The following RGPD4 variants were observed in gnomAD, a reference collection of about 807,000 sequenced individuals.
RGPD4 encodes RANBP2 like and GRIP domain containing 4.
In RGPD4, 84 loss-of-function variants were observed where a neutral mutation model predicts 141.1. That is an observed-to-expected ratio of 0.60 (90% CI 0.50 to 0.71). RGPD4 has a LOEUF of 0.71. RGPD4 is among the 30% of genes least tolerant of loss of function. The pLI is 0.00. For synonymous variants in RGPD4, 298 were observed against 566.8 expected, an observed-to-expected ratio of 0.53 and a Z score of 6.74; for missense variants, 918 against 1,622.4, an observed-to-expected ratio of 0.57 and a Z score of 7.46.
rs1487334767 is a variant in RGPD4, at chr2:107,871,244, G to A, written c.3240G>A (p.Arg1080=). ...CTGAGGTAAGGCAGTGGAAAGAAAG[G>A]GGCTTGGGGAACTTAAAAATTCTCA... ...FDAEVRQWKE[R]GLGNLKILKN... is the part of the protein sequence containing the mutation. Residue 1080 remains arginine (R), a synonymous_variant, in exon 20 of 23, where the codon AGG becomes AGA. Transcript: ENST00000408999. 1.9e-6 allele frequency: 3 copies of A among 1,608,890 alleles called. No homozygotes were observed. The highest frequency in any genetic ancestry group is 1.7e-6 in the Non-Finnish European group (2 of 1,179,570).
chr2:107,844,593 G>T (rs1366156758), intron 6 of RGPD4, among the ~76,000 whole-genome samples: 1 of 147,428 alleles, frequency 6.8e-6, no homozygotes, highest in Admixed American at 6.8e-5. Flanking sequence ...TTCACTGAGT[G>T]CAGGGAGTAG....
At position 107,872,012 on chromosome 2, in the gene RGPD4, A is replaced by T; in HGVS notation, c.4008A>T (p.Glu1336Asp). The change falls in exon 20 of 23, where the codon GAA becomes GAT. Residue 1336 changes from glutamate to aspartate, a missense_variant. Transcript: ENST00000408999. The part of the protein sequence containing the change: ...QEEERDGQYF[E>D]PVVPLPDLVE... ...AAGAGAGAGATGGACAGTACTTTGA[A>T]CCTGTTGTTCCTTTACCTGATCTAG... 7 of 1,611,344 alleles carry T rather than the reference A, an allele frequency of 4.3e-6. No homozygotes were observed. Among genetic ancestry groups the T allele is most frequent in the Non-Finnish European group, 5.9e-6 (7 of 1,179,814 alleles).
rs1682036534 is a variant in RGPD4 at position 107,849,011 on chromosome 2, G to GTA, written c.978+479_978+480dup. ...ATGACTGTATTGTGTATATGTAACA[G>GTA]TATATCTATTAATCTTTGAAAACAT... is the stretch of plus-strand genomic sequence containing the variant. On this transcript the variant is annotated intron_variant, in intron 7 of 22. Transcript: ENST00000408999. 3.0e-5 allele frequency among the ~76,000 whole-genome samples: 3 copies of GTA among 101,162 alleles called. No homozygotes were observed. In the Admixed American group the frequency reaches 3.0e-4, roughly 10 times the overall value. 66.4% of individuals were successfully genotyped at this position (101,162 alleles called of 152,430 possible). A position where few individuals can be genotyped will look rare whatever the true frequency, so the allele number is the denominator to read the frequency against.
At chr2:107,833,965 C>G (rs1681583713) in intron 1 of RGPD4, among the ~76,000 whole-genome samples, 1 of 151,630 alleles carries the variant, frequency 6.6e-6, no homozygotes, top group African/African-American at 2.4e-5. Flanking sequence ...TGAGATCGAG[C>G]CACCGCACTC....
chr2:107,845,706 G>A (rs1681905059), intron 6 of RGPD4, among the ~76,000 whole-genome samples: 1 of 152,246 alleles, frequency 6.6e-6, no homozygotes, highest in South Asian at 2.1e-4. Flanking sequence ...TGGGACTACA[G>A]GCGCCCACCA....
At chr2:107,878,285 CT>C (rs1683149502) in intron 20 of RGPD4, among the ~76,000 whole-genome samples, 1 of 151,536 alleles carries the variant, frequency 6.6e-6, no homozygotes, top group Admixed American at 6.6e-5. Context: ...TAAAAAAAAT[CT>C]AATAGGCCCA....
chr2:107,865,590 G>A (rs1319527702), intron 17 of RGPD4, among the ~76,000 whole-genome samples: 2 of 151,948 alleles, frequency 1.3e-5, no homozygotes, highest in Non-Finnish European at 2.9e-5. Flanking sequence ...GTTAATGTAG[G>A]CAAGTGTAGA....
chr2:107,875,488 C>T (rs942829670), intron 20 of RGPD4, among the ~76,000 whole-genome samples: 3 of 139,856 alleles, frequency 2.1e-5, no homozygotes, highest in African/African-American at 8.5e-5. Context: ...GAATGTTTCC[C>T]TGTCACCAGT....
chr2:107,831,602 G>T (rs1573461466), intron 1 of RGPD4, among the ~76,000 whole-genome samples: 2 of 94,280 alleles, frequency 2.1e-5, no homozygotes, highest in Admixed American at 2.8e-4. Flanking sequence ...TTGAGACGGA[G>T]TCTCGCTCTA....
chr2:107,883,051 T>C (rs1675410592), intron 22 of RGPD4, 178 bp downstream of exon 22: 2 of 1,078,464 alleles, frequency 1.9e-6, no homozygotes, highest in Non-Finnish European at 2.8e-6. Flanking sequence ...GGGGCAACTG[T>C]AGTACATTTA....
chr2:107,844,830 GTTT>G (rs1222283120), intron 6 of RGPD4, among the ~76,000 whole-genome samples: 21 of 26,186 alleles, frequency 8.0e-4, no homozygotes, highest in African/African-American at 3.1e-3. Context: ...TTTCTTTTTT[GTTT>G]TTTTTTTTTT....
chr2:107,871,271 A>G lies in RGPD4; in HGVS notation c.3267A>G (p.Lys1089=), dbSNP rs1333799868. The G allele has an allele frequency of 6.2e-7, 1 of 1,607,804 alleles. No individual in the cohort carries two copies. The highest frequency in any genetic ancestry group is 8.5e-7 in the Non-Finnish European group (1 of 1,179,382). The part of the protein sequence containing the change: ...ERGLGNLKIL[K]NEVNGKPRML... ...GCTTGGGGAACTTAAAAATTCTCAAAAACGAGGTCAATGGCAAACCAAGAA... is the reference window on the plus strand; with the variant it reads ...GCTTGGGGAACTTAAAAATTCTCAAGAACGAGGTCAATGGCAAACCAAGAA... Residue 1089 remains lysine, a synonymous_variant, in exon 20 of 23, where the codon AAA becomes AAG. Coordinates refer to ENST00000408999, the MANE Select transcript of RGPD4 (RefSeq NM_182588.3).
rs1186657547 is a variant in RGPD4 at position 107,891,496 on chromosome 2, C to CTA, written c.*765_*766insTA. Among the ~76,000 whole-genome samples, 7 of 106,746 alleles carry CTA rather than the reference C, an allele frequency of 6.6e-5. No homozygotes were observed. The highest frequency in any genetic ancestry group is 2.7e-4 in the African/African-American group (6 of 22,576). 70.0% of individuals were successfully genotyped at this position (106,746 alleles called of 152,430 possible). A position where few individuals can be genotyped will look rare whatever the true frequency, so the allele number is the denominator to read the frequency against. On this transcript the variant is annotated 3_prime_UTR_variant, in exon 23 of 23. Coordinates refer to ENST00000408999, the MANE Select transcript of RGPD4 (RefSeq NM_182588.3). ...CAGTTAATTGTGCTAAGTTAAAATA[C>CTA]AGTTTAGTTATTTGCTTTAAAATAA...
chr2:107,831,176 C>T (rs1385298510), intron 1 of RGPD4, among the ~76,000 whole-genome samples: 1 of 123,792 alleles, frequency 8.1e-6, no homozygotes, highest in Non-Finnish European at 1.8e-5. Context: ...GACTCTGTCT[C>T]CAAAAAAGAA....
intron 1 of RGPD4, among the ~76,000 whole-genome samples, chr2:107,831,818 G>A (rs550171921): frequency 1.0e-4 from 15 of 144,438 alleles, no homozygotes; most frequent in Non-Finnish European, 1.5e-4. Flanking sequence ...TGATCCGCCC[G>A]CCTCAGCCTC....
At chr2:107,865,571 G>A (rs1376737481) in intron 17 of RGPD4, among the ~76,000 whole-genome samples, 3,462 of 143,242 alleles carry the variant, frequency 0.024, no homozygotes, top group Non-Finnish European at 0.036. Flanking sequence ...GGAGGTGAAC[G>A]TCAGAAAGGT....
At chr2:107,857,572 A>G (rs1682368776) in intron 9 of RGPD4, among the ~76,000 whole-genome samples, 1 of 151,110 alleles carries the variant, frequency 6.6e-6, no homozygotes, top group Non-Finnish European at 1.5e-5. Context: ...AGCTGGTACC[A>G]TAGGCACATG....
Position 107,872,873 on chromosome 2 carries a change from T to C in RGPD4, c.4869T>C (p.Ala1623=), listed in dbSNP as rs1682983055. 3.1e-6 allele frequency: 5 copies of C among 1,593,450 alleles called. No homozygotes were observed. Among genetic ancestry groups the C allele is most frequent in the Middle Eastern group, 4.6e-4 (2 of 4,390 alleles). The part of the protein sequence containing the change: ...SSDSKVKNLS[A]SFPMEESSIN... The stretch of plus-strand genomic sequence containing the variant: ...ATAGCAAAGTCAAAAATCTCTCTGC[T>C]TCCTTTCCAATGGAAGAATCTTCAA... The change falls in exon 20 of 23, where the codon GCT becomes GCC. Residue 1623 remains alanine, a synonymous_variant. Transcript: ENST00000408999.
At position 107,880,010 on chromosome 2, in the gene RGPD4, T is replaced by C. The variant is rs763656645; in HGVS notation, c.4967T>C (p.Val1656Ala). 50 of 1,611,304 alleles carry C rather than the reference T, an allele frequency of 3.1e-5. No homozygotes were observed. The highest frequency in any genetic ancestry group is 4.2e-5 in the Non-Finnish European group (49 of 1,179,836). ...WHAEFTKEEL[V>A]QKLSSTTKSA... The stretch of plus-strand genomic sequence containing the variant: ...GCTGAATTTACCAAAGAAGAATTGG[T>C]TCAGAAGCTCAGTTCCACCACAAAA... The change falls in exon 21 of 23, where the codon GTT becomes GCT. Residue 1656 changes from valine (V) to alanine (A), a missense_variant. Val to Ala is a moderately conservative substitution (Grantham distance 64, BLOSUM62 0). Transcript: ENST00000408999.
Sources: allele counts gnomAD v4.1 joint callset (sites outside exome capture counted in the v4.1 genomes callset), GRCh38; gene constraint gnomAD v4.1.1; transcripts MANE v1.5; gene names NCBI Gene and HGNC (gene_info 2026-07-23, HGNC 2026-07-21).